Variants in RHBDD1 observed in about 807,000 individuals in gnomAD.
RHBDD1 encodes rhomboid domain containing 1, also known as rhomboid-related protein 4.
A neutral mutation model predicts 36.3 loss-of-function variants in RHBDD1; 38 were observed. That is an observed-to-expected ratio of 1.05 (90% CI 0.81 to 1.37). The LOEUF (loss-of-function observed/expected upper bound fraction) is 1.37. RHBDD1 is among the 40% of genes most tolerant of loss of function. The pLI is 0.00. For missense variants in RHBDD1, 393 were observed against 377.6 expected (o/e 1.04, Z -0.34); for synonymous variants, 151 against 136.5 (o/e 1.11, Z -0.74).
At chr2:226,866,131 C>T (rs1356281314) in intron 4 of RHBDD1, among the ~76,000 whole-genome samples, 2 of 152,070 alleles carry the variant, frequency 1.3e-5, no homozygotes, top group African/African-American at 4.8e-5. Flanking sequence ...AGGGCAGTGG[C>T]GTGATCTCGG....
chr2:226,981,569 T>TACACACACACAC (rs3055611), intron 8 of RHBDD1, among the ~76,000 whole-genome samples: 9 of 150,168 alleles, frequency 6.0e-5, no homozygotes, highest in African/African-American at 2.2e-4. Context: ...TGCACACACA[T>TACACACACACAC]ACACACACAC....
intron 5 of RHBDD1, among the ~76,000 whole-genome samples, chr2:226,905,964 G>T (rs1257545775): frequency 6.6e-6 from 1 of 151,948 alleles, no homozygotes; most frequent in African/African-American, 2.4e-5. Context: ...ACAACTCGTT[G>T]TGTAGGACCC....
intron 8 of RHBDD1, among the ~76,000 whole-genome samples, chr2:226,975,303 C>T (rs1353283700): frequency 1.3e-5 from 2 of 152,070 alleles, no homozygotes; most frequent in Admixed American, 6.6e-5. Flanking sequence ...ACACACACAT[C>T]TATAAATACA....
At chr2:226,903,068 GTTA>G (rs1249013787) in intron 5 of RHBDD1, among the ~76,000 whole-genome samples, 5 of 152,096 alleles carry the variant, frequency 3.3e-5, no homozygotes, top group African/African-American at 7.2e-5. Flanking sequence ...CTAAATTGAA[GTTA>G]TTATTATTTT....
In RHBDD1 at chr2:226,992,252, G is replaced by A. The variant is rs1559364025; in HGVS notation, c.857-3179G>A. 2.0e-5 allele frequency among the ~76,000 whole-genome samples: 3 copies of A among 152,208 alleles called. No homozygotes were observed. The South Asian group carries it at 6.2e-4, about 31-fold the overall frequency. On this transcript the variant is annotated intron_variant, in intron 8 of 8. Transcript: ENST00000392062. ...GTGCCGAGTGTGGCTCCAACGCAGA[G>A]CACACACACAGTAGTCGGTGTAGGT...
intron 3 of RHBDD1, among the ~76,000 whole-genome samples, chr2:226,846,704 G>T (rs1187130330): frequency 1.4e-5 from 2 of 146,334 alleles, no homozygotes; most frequent in Non-Finnish European, 1.5e-5. Context: ...CTGAAATCGT[G>T]CCATTGCACT....
At chr2:226,857,808 G>A (rs1446316166) in intron 3 of RHBDD1, among the ~76,000 whole-genome samples, 1 of 152,066 alleles carries the variant, frequency 6.6e-6, no homozygotes, top group Non-Finnish European at 1.5e-5. Context: ...CTGCTAATGG[G>A]TATGGGGTCT....
chr2:226,945,303 T>C (rs1000089448), intron 8 of RHBDD1, among the ~76,000 whole-genome samples: 4 of 151,990 alleles, frequency 2.6e-5, no homozygotes, highest in African/African-American at 9.7e-5. Context: ...ATGGTATCCC[T>C]CCCCTAGCCT....
chr2:226,988,506 C>G, intron 8 of RHBDD1: 4 of 1,524,322 alleles, frequency 2.6e-6, no homozygotes, highest in South Asian at 1.3e-5. Context: ...TCAGGCCTTG[C>G]GAGGTGGATA....
intron 8 of RHBDD1, among the ~76,000 whole-genome samples, chr2:226,965,923 G>GA (rs894381579): frequency 1.7e-4 from 24 of 144,670 alleles, no homozygotes; most frequent in Non-Finnish European, 2.1e-4. Flanking sequence ...AAGACACAAT[G>GA]AAAAAAAAAA....
the RHBDD1 span, among the ~76,000 whole-genome samples, chr2:226,819,911 CA>C: frequency 0.015 from 2,311 of 151,058 alleles, 53 homozygotes; most frequent in African/African-American, 0.053. Context: ...CAAGAAAATC[CA>C]AGGTAAAAAC....
intron 4 of RHBDD1, among the ~76,000 whole-genome samples, chr2:226,866,037 A>G (rs1002182598): frequency 6.6e-6 from 1 of 152,196 alleles, no homozygotes; most frequent in African/African-American, 2.4e-5. Context: ...CAGCAGATCC[A>G]CATGGAGATG....
chr2:226,958,798 T>C (rs1024197218), intron 8 of RHBDD1, among the ~76,000 whole-genome samples: 1 of 151,798 alleles, frequency 6.6e-6, no homozygotes, highest in Admixed American at 6.6e-5. Context: ...ACATATCTTC[T>C]TTTTCACAGA....
intron 8 of RHBDD1, among the ~76,000 whole-genome samples, chr2:226,926,555 C>T (rs1188490818): frequency 1.3e-5 from 2 of 152,128 alleles, no homozygotes; most frequent in Non-Finnish European, 2.9e-5. Context: ...TTGGCACTTA[C>T]ATTTGAGGAC....
upstream of RHBDD1, among the ~76,000 whole-genome samples, chr2:226,832,672 A>C (rs1940771205): frequency 6.6e-6 from 1 of 152,334 alleles, no homozygotes; most frequent in South Asian, 2.1e-4. Flanking sequence ...TAACTGTTAT[A>C]TCTTCTCAAT....
upstream of RHBDD1, among the ~76,000 whole-genome samples, chr2:226,832,456 G>C (rs1163555273): frequency 1.3e-5 from 2 of 152,180 alleles, no homozygotes; most frequent in East Asian, 3.8e-4. Flanking sequence ...CTGTCATTAA[G>C]TACAGTGGTC....
rs3055611 is a variant in RHBDD1, at chr2:226,981,569, TAC to T, written c.857-13845_857-13844del. On this transcript the variant is annotated intron_variant, in intron 8 of 8. Transcript: ENST00000392062. The stretch of plus-strand genomic sequence containing the variant: ...ATGCACTCATCCACATGCACACACA[TAC>T]ACACACACACACACACTTTCTCTAA... 5.6e-4 allele frequency among the ~76,000 whole-genome samples: 84 copies of T among 150,238 alleles called. No individual in the cohort carries two copies. In the South Asian group the frequency reaches 5.9e-3, roughly 11 times the overall value.
At chr2:226,912,430 C>T (rs1393277576) in intron 7 of RHBDD1, among the ~76,000 whole-genome samples, 1 of 152,024 alleles carries the variant, frequency 6.6e-6, no homozygotes, top group Non-Finnish European at 1.5e-5. Context: ...TTATTCATAA[C>T]AGTCAAAAGG....
chr2:226,975,166 C>T (rs1954340296), intron 8 of RHBDD1, among the ~76,000 whole-genome samples: 1 of 152,030 alleles, frequency 6.6e-6, no homozygotes, highest in African/African-American at 2.4e-5. Context: ...TAATATGGTG[C>T]CCCAGAATGA....
Sources: allele counts gnomAD v4.1 joint callset (sites outside exome capture counted in the v4.1 genomes callset), GRCh38; gene constraint gnomAD v4.1.1; transcripts MANE v1.5; gene names NCBI Gene and HGNC (gene_info 2026-07-23, HGNC 2026-07-21).